The following UNC79 variants were observed in gnomAD, a reference collection of about 807,000 sequenced individuals.
UNC79 encodes unc-79 subunit of NALCN channel complex.
Under a neutral mutation model 283.1 loss-of-function variants are expected in UNC79, and 37 were observed. The observed-to-expected ratio is 0.13, with a 90% CI of 0.10 to 0.17. The LOEUF is 0.17. Among genes scored for constraint, UNC79 ranks in the 10% least tolerant of loss-of-function variants. UNC79 has a pLI of 1.00. For synonymous variants in UNC79, 1,107 were observed against 1,200.2 expected, an observed-to-expected ratio of 0.92 and a Z score of 1.61; for missense variants, 2,272 against 3,211.1, an observed-to-expected ratio of 0.71 and a Z score of 7.07.
chr14:93,457,714 T>A (rs995892169), intron 1 of UNC79, among the ~76,000 whole-genome samples: 1 of 152,186 alleles, frequency 6.6e-6, no homozygotes, highest in Admixed American at 6.5e-5. Flanking sequence ...AACATCACAC[T>A]GGGTGTCATG....
At chr14:93,503,698 C>T (rs1268998569) in intron 7 of UNC79, among the ~76,000 whole-genome samples, 1 of 151,908 alleles carries the variant, frequency 6.6e-6, no homozygotes, top group Non-Finnish European at 1.5e-5. Flanking sequence ...ATTTGAACAT[C>T]CTCTTATATG....
At chr14:93,440,722 T>C (rs1205746919) in intron 1 of UNC79, among the ~76,000 whole-genome samples, 2 of 152,120 alleles carry the variant, frequency 1.3e-5, no homozygotes, top group Admixed American at 6.5e-5. Flanking sequence ...TAAATTTCCA[T>C]GTGGAAGGGC....
At chr14:93,559,316 A>G (rs915517774) in intron 14 of UNC79, among the ~76,000 whole-genome samples, 13 of 152,372 alleles carry the variant, frequency 8.5e-5, no homozygotes, top group African/African-American at 3.1e-4. Flanking sequence ...TTCAACGGCC[A>G]AGACTCAGTT....
In UNC79 at chr14:93,597,582, G is replaced by T. The variant is rs144182407; in HGVS notation, c.3372+42G>T. 3 of 1,581,250 alleles carry T rather than the reference G, an allele frequency of 1.9e-6. No individual in the cohort carries two copies. In the African/African-American group the frequency reaches 4.0e-5, roughly 21 times the overall value. ...GTTATCTGCTCCGAAGGTGGTTTGT[G>T]TCAGCACTACTAAATCATTGCGTTG... On this transcript the variant is annotated intron_variant, in intron 24 of 48. Transcript: ENST00000555664.
At chr14:93,556,925 T>C (rs1216968667) in intron 14 of UNC79, among the ~76,000 whole-genome samples, 1 of 152,214 alleles carries the variant, frequency 6.6e-6, no homozygotes, top group East Asian at 1.9e-4. Flanking sequence ...AAAGGGATTT[T>C]CCCAAGTGCA....
intron 29 of UNC79, among the ~76,000 whole-genome samples, chr14:93,620,590 T>G (rs1393216287): frequency 2.0e-5 from 3 of 152,222 alleles, no homozygotes; most frequent in Non-Finnish European, 4.4e-5. Flanking sequence ...ATGTGTCATC[T>G]GGTGTTAAGC....
In UNC79 at chr14:93,688,660, T is replaced by C. The variant is rs761547709; in HGVS notation, c.6910-5T>C. 1.7e-5 allele frequency: 28 copies of C among 1,612,484 alleles called. No individual in the cohort carries two copies. Among genetic ancestry groups the C allele is most frequent in the Non-Finnish European group, 2.4e-5 (28 of 1,179,138 alleles). ...AGAGTTACAAAATACCATTCGGTTT[T>C]GTAGAGCCACATGAAGACATGTTCC... On this transcript the variant is annotated splice_region_variant and splice_polypyrimidine_tract_variant and intron_variant, in intron 43 of 48. Coordinates refer to ENST00000555664, the Ensembl canonical transcript of UNC79. The surrounding 1 kb of genome is among the most constrained non-coding windows in gnomAD (Gnocchi z 4.0).
intron 1 of UNC79, among the ~76,000 whole-genome samples, chr14:93,351,275 T>G (rs2053975773): frequency 6.6e-6 from 1 of 152,228 alleles, no homozygotes; most frequent in Non-Finnish European, 1.5e-5. Flanking sequence ...TTAAAAGGGC[T>G]AAGGTATTTA....
chr14:93,496,453 A>G (rs2059016595), exon 6 of UNC79: 3 of 1,549,328 alleles, frequency 1.9e-6, no homozygotes, highest in Non-Finnish European at 2.6e-6. Flanking sequence ...AAATATAAAC[A>G]AGAAGTCTGG....
Position 93,474,523 on chromosome 14 carries a change from A to C in UNC79, c.448+130A>C. The C allele has an allele frequency of 9.5e-7, 1 of 1,054,388 alleles. No homozygotes were observed. The allele number at this position is 1,054,388 out of a possible 1,614,324, so 65.3% of individuals were successfully genotyped here. On this transcript the variant is annotated intron_variant, in intron 3 of 48. Transcript: ENST00000555664. This position sits in a 1 kb window ranked among gnomAD's most constrained non-coding sequence, Gnocchi z 4.1. Reference sequence around the variant, plus strand: ...GAAAGGGCTTTGTGTGGCTAGAAGCACTACACTGAAACTTCATTATGGTGC... The same window carrying C: ...GAAAGGGCTTTGTGTGGCTAGAAGCCCTACACTGAAACTTCATTATGGTGC...
Position 93,400,627 on chromosome 14 carries a change from G to A in UNC79, c.-350-67044G>A, listed in dbSNP as rs117528900. 1.4e-3 allele frequency among the ~76,000 whole-genome samples: 210 copies of A among 152,234 alleles called. 1 individual carries two copies. In the East Asian group the frequency reaches 0.032, roughly 23 times the overall value. On this transcript the variant is annotated intron_variant, in intron 1 of 49. Transcript: ENST00000256339. Reference sequence around the variant, plus strand: ...ATGACGTGAATAAAGGCTTAATGACGAGGAAGGCACAAGGATAAGTTTGAT... The same window carrying A: ...ATGACGTGAATAAAGGCTTAATGACAAGGAAGGCACAAGGATAAGTTTGAT...
At chr14:93,653,204 C>T (rs887895833) in intron 35 of UNC79, among the ~76,000 whole-genome samples, 1 of 152,024 alleles carries the variant, frequency 6.6e-6, no homozygotes, top group Non-Finnish European at 1.5e-5. Context: ...CAGAGGTGCA[C>T]ATGAAGGGTG....
intron 47 of UNC79, among the ~76,000 whole-genome samples, chr14:93,702,825 C>A (rs2075626289): frequency 6.6e-6 from 1 of 152,212 alleles, no homozygotes; most frequent in Non-Finnish European, 1.5e-5. Flanking sequence ...CCTTCCCCAT[C>A]CCCAGAAACT....
At chr14:93,415,183 G>A (rs2055426115) in intron 1 of UNC79, among the ~76,000 whole-genome samples, 1 of 152,148 alleles carries the variant, frequency 6.6e-6, no homozygotes, top group Non-Finnish European at 1.5e-5. Context: ...TTATTATTTT[G>A]AGATACGTCC....
intron 1 of UNC79, among the ~76,000 whole-genome samples, chr14:93,462,238 G>A (rs1020658636): frequency 1.3e-5 from 2 of 152,200 alleles, no homozygotes; most frequent in Non-Finnish European, 2.9e-5. Flanking sequence ...CCTGGGAGGT[G>A]GAGGTTGCAG....
chr14:93,410,049 G>T (rs1311734389), intron 1 of UNC79, among the ~76,000 whole-genome samples: 1 of 152,214 alleles, frequency 6.6e-6, no homozygotes, highest in East Asian at 1.9e-4. Context: ...ACTGAAAGGG[G>T]CATTGAAGAG....
chr14:93,497,676 T>A (rs2059075721), intron 7 of UNC79, among the ~76,000 whole-genome samples: 1 of 152,144 alleles, frequency 6.6e-6, no homozygotes, highest in African/African-American at 2.4e-5. Flanking sequence ...TATCACCAGC[T>A]CATGCACTAA....
rs200007974 is a variant in UNC79 at position 93,667,265 on chromosome 14, A to C, written c.6636+4551A>C. Among the ~76,000 whole-genome samples the C allele has an allele frequency of 3.9e-5, 6 of 152,074 alleles. No homozygotes were observed. In the East Asian group the frequency reaches 1.2e-3, roughly 29 times the overall value. On this transcript the variant is annotated intron_variant, in intron 40 of 48. Coordinates refer to ENST00000555664, the Ensembl canonical transcript of UNC79. The stretch of plus-strand genomic sequence containing the variant: ...GGAAGGAAGGAAAGAAGGAAGGAAA[A>C]CATAGATACAATGGAAGATCAATAC...
At chr14:93,686,797 G>A in intron 43 of UNC79, 136 bp downstream of exon 46, 1 of 898,286 alleles carries the variant, frequency 1.1e-6, no homozygotes, top group Admixed American at 2.3e-5. Flanking sequence ...CTGTCTTGGG[G>A]GATCAAAGAG....
Sources: gnomAD v4.1 joint callset for allele counts (sites outside exome capture counted in the v4.1 genomes callset) on GRCh38, gnomAD v4.1.1 for gene constraint, Gnocchi (gnomAD v3.1) non-coding constraint, MANE v1.5 for transcripts, NCBI Gene and HGNC (gene_info 2026-07-23, HGNC 2026-07-21) for gene names.